Variants in DCTN3 observed in about 807,000 individuals in gnomAD.
DCTN3 encodes the protein dynactin 3 (p22).
In DCTN3, 25 loss-of-function variants were observed where a neutral mutation model predicts 28.4. The observed-to-expected ratio is 0.88, with a 90% CI of 0.64 to 1.23. The LOEUF is 1.23. DCTN3 is among the 50% of genes most tolerant of loss of function. The pLI, the probability that DCTN3 is intolerant of heterozygous loss-of-function variation, is 0.00. For missense variants in DCTN3, 229 were observed against 232.0 expected (o/e 0.99, Z 0.08); for synonymous variants, 81 against 91.4 (o/e 0.89, Z 0.65).
At chr9:34,620,051 C>G (rs911871197) in intron 1 of DCTN3, among the ~76,000 whole-genome samples, 2 of 152,186 alleles carry the variant, frequency 1.3e-5, no homozygotes, top group African/African-American at 4.8e-5. Context: ...GCCTTCCTAT[C>G]GTGGACTTCA....
intron 5 of DCTN3, chr9:34,614,321 A>G: frequency 2.0e-6 from 2 of 994,476 alleles, no homozygotes; most frequent in Non-Finnish European, 2.9e-6. Flanking sequence ...GTGGCCATAC[A>G]TTAAGTAAAC....
At position 34,618,692 on chromosome 9, in the gene DCTN3, C is replaced by A; in HGVS notation, c.165G>T (p.Lys55Asn). ...AGCACTTACTCTTTTTGTAGAGAATCTTCACCCTCTCCCTCTTGCTGGAAA... is the reference window on the plus strand; with the variant it reads ...AGCACTTACTCTTTTTGTAGAGAATATTCACCCTCTCCCTCTTGCTGGAAA... ...GNISSKRERV[K>N]ILYKKIEDLI... Residue 55 changes from lysine (K) to asparagine (N), a missense_variant, in exon 2 of 7, where the codon AAG (lysine) becomes AAT (asparagine). Physicochemically the swap from Lys to Asn is moderately conservative, Grantham distance 94 (BLOSUM62 0). Coordinates refer to ENST00000259632, the MANE Select transcript of DCTN3 (RefSeq NM_007234.5). The A allele has an allele frequency of 6.2e-7, 1 of 1,614,116 alleles. No individual in the cohort carries two copies. The highest frequency in any genetic ancestry group is 8.5e-7 in the Non-Finnish European group (1 of 1,179,948).
chr9:34,618,611 G>C, intron 2 of DCTN3, 65 bp downstream of exon 2: 1 of 1,282,252 alleles, frequency 7.8e-7, no homozygotes, highest in South Asian at 1.2e-5. Context: ...GAAGGGCTAG[G>C]GCCAGGTACC....
intron 3 of DCTN3, 63 bp downstream of exon 3, chr9:34,617,822 T>C (rs750781585): frequency 3.1e-6 from 5 of 1,603,100 alleles, no homozygotes; most frequent in Non-Finnish European, 3.4e-6. Flanking sequence ...AGGCCATCTC[T>C]GTGCTTAACC....
rs779368766 is a variant in DCTN3, at chr9:34,614,706, A to G, written c.411+4T>C. On this transcript the variant is annotated splice_donor_region_variant and intron_variant, in intron 5 of 6. Transcript: ENST00000259632. ...TTCGCTTCTAGTCATCTCCCCTCCC[A>G]TACCTGCTGCTGAATGTGGATCTGG... The G allele has an allele frequency of 2.5e-6, 4 of 1,614,062 alleles. No individual in the cohort carries two copies. The highest frequency in any genetic ancestry group is 3.4e-6 in the Non-Finnish European group (4 of 1,180,028).
Position 34,614,049 on chromosome 9 carries a change from T to C in DCTN3, c.464A>G (p.Asn155Ser), listed in dbSNP as rs528051881. The C allele has an allele frequency of 3.1e-5, 50 of 1,611,920 alleles. No homozygotes were observed. The East Asian group carries it at 1.0e-3, about 33-fold the overall frequency. ...EESKALLEEY[N>S]KTTMLLSKQF... is the part of the protein sequence containing the mutation. The stretch of plus-strand genomic sequence containing the variant: ...GTTGAGCAGAAAGGATACAGTCTTG[T>C]TGTATTCCTCCAGGAGAGCCTTGGA... Residue 155 changes from asparagine to serine, a missense_variant, in exon 6 of 7, where the codon AAC becomes AGC. Asn to Ser is a conservative substitution (Grantham distance 46). Transcript: ENST00000259632.
chr9:34,618,555 A>T (rs1820476019), intron 2 of DCTN3, 121 bp downstream of exon 2: 1 of 765,058 alleles, frequency 1.3e-6, no homozygotes, highest in Non-Finnish European at 2.3e-6. Context: ...AAATGTCCTC[A>T]TAATCTTTCT....
Position 34,613,625 on chromosome 9 carries a change from T to C in DCTN3, c.*157A>G. ...GGGTGGGTGTTGCAAATTGCAAACC[T>C]CAGGTAACCTGACCTCCAACTTTAG... On this transcript the variant is annotated 3_prime_UTR_variant, in exon 7 of 7. Transcript: ENST00000259632. The C allele has an allele frequency of 1.1e-6, 1 of 949,030 alleles. No homozygotes were observed. The highest frequency in any genetic ancestry group is 1.5e-6 in the Non-Finnish European group (1 of 672,544). The allele number at this position is 949,030 out of a possible 1,614,324, so 58.8% of individuals were successfully genotyped here.
At chr9:34,619,579 T>C (rs1820504380) in intron 1 of DCTN3, among the ~76,000 whole-genome samples, 1 of 152,074 alleles carries the variant, frequency 6.6e-6, no homozygotes. Flanking sequence ...GAAGCAGCCG[T>C]AAGAGGTAGA....
At chr9:34,618,837 T>C in intron 1 of DCTN3, 77 bp from the exon 2 acceptor site, 1 of 1,139,608 alleles carries the variant, frequency 8.8e-7, no homozygotes, top group Non-Finnish European at 1.3e-6. Flanking sequence ...ACCCTCATTC[T>C]CCCAGACTCT....
At position 34,618,751 on chromosome 9, in the gene DCTN3, C is replaced by T. The variant is rs775935933; in HGVS notation, c.106G>A (p.Gly36Ser). 4.0e-5 allele frequency: 65 copies of T among 1,613,932 alleles called. No homozygotes were observed. Among genetic ancestry groups the T allele is most frequent in the African/African-American group, 5.3e-5 (4 of 74,928 alleles). ...AAAGCCACCTGCACCTTGACCAGGC[C>T]GTCAGCCACCTGTAAGGGAAGTGGT... ...GARGSRKVAD[G>S]LVKVQVALGN... Residue 36 changes from glycine (G) to serine (S), a missense_variant, in exon 2 of 7, where the codon GGC (glycine) becomes AGC (serine). By Grantham distance (56) the Gly-to-Ser change is moderately conservative (BLOSUM62 0). Transcript: ENST00000259632.
At chr9:34,620,120 C>A (rs1820519119) in intron 1 of DCTN3, among the ~76,000 whole-genome samples, 1 of 152,174 alleles carries the variant, frequency 6.6e-6, no homozygotes, top group African/African-American at 2.4e-5. Flanking sequence ...AACTATAGCT[C>A]GCGAGGGCAA....
intron 1 of DCTN3, among the ~76,000 whole-genome samples, chr9:34,619,138 C>T (rs1191289684): frequency 6.6e-6 from 1 of 152,226 alleles, no homozygotes; most frequent in Non-Finnish European, 1.5e-5. Flanking sequence ...CCTATCCCCT[C>T]CACATCAAAT....
intron 4 of DCTN3, 104 bp downstream of exon 4, chr9:34,615,926 A>G (rs1277191663): frequency 3.4e-6 from 3 of 872,734 alleles, no homozygotes; most frequent in Non-Finnish European, 3.6e-6. Context: ...GATAAGGAAC[A>G]GACCCAACCC....
In DCTN3 at chr9:34,616,090, C is replaced by A. The variant is rs764610261; in HGVS notation, c.292G>T (p.Val98Phe). 7 of 1,613,904 alleles carry A rather than the reference C, an allele frequency of 4.3e-6. No homozygotes were observed. Among genetic ancestry groups the A allele is most frequent in the African/African-American group, 4.0e-5 (3 of 74,900 alleles). ...LAEEQFILSQ[V>F]ALLEQVNALV... Reference sequence around the variant, plus strand: ...GCATTCACCTGCTCCAGGAGTGCAACCTGGGAAAGGATAAACTGCTCCTCT... The same window carrying A: ...GCATTCACCTGCTCCAGGAGTGCAAACTGGGAAAGGATAAACTGCTCCTCT... Residue 98 changes from valine (V) to phenylalanine (F), a missense_variant, in exon 4 of 7, where the codon GTT becomes TTT. Transcript: ENST00000259632. The surrounding 1 kb of genome is among the most constrained non-coding windows in gnomAD (Gnocchi z 4.7).
rs1276214331 is a variant in DCTN3 at position 34,620,489 on chromosome 9, A to G, written c.-25T>C. ...TCGCTACTACCGACCCACCTCGGCCAGGAAACAGCCAGAGGGCGGGACGTC... is the reference window on the plus strand; with the variant it reads ...TCGCTACTACCGACCCACCTCGGCCGGGAAACAGCCAGAGGGCGGGACGTC... On this transcript the variant is annotated 5_prime_UTR_variant, in exon 1 of 7. Coordinates refer to ENST00000259632, the MANE Select transcript of DCTN3 (RefSeq NM_007234.5). 2.6e-6 allele frequency: 4 copies of G among 1,545,130 alleles called. No individual in the cohort carries two copies. The highest frequency in any genetic ancestry group is 1.4e-5 in the African/African-American group (1 of 73,010).
At position 34,617,921 on chromosome 9, in the gene DCTN3, T is replaced by G; in HGVS notation, c.232A>C (p.Ile78Leu). ...LDPEYIDRIA[I>L]PDASKLQFIL... is the part of the protein sequence containing the mutation. ...AATTGCAGCTTAGAGGCATCAGGTA[T>G]GGCAATGCGGTCGATGTACTCAGGA... Residue 78 changes from isoleucine to leucine, a missense_variant, in exon 3 of 7, where the codon ATA (isoleucine) becomes CTA (leucine). Physicochemically the swap from Ile to Leu is conservative, Grantham distance 5 (BLOSUM62 2). Coordinates refer to ENST00000259632, the MANE Select transcript of DCTN3 (RefSeq NM_007234.5). 6.2e-7 allele frequency: 1 copy of G among 1,613,992 alleles called. No homozygotes were observed. Among genetic ancestry groups the G allele is most frequent in the Middle Eastern group, 1.6e-4 (1 of 6,062 alleles).
rs747554692 is a variant in DCTN3, at chr9:34,618,663, T to C, written c.181+13A>G. 1.2e-6 allele frequency: 2 copies of C among 1,611,084 alleles called. No individual in the cohort carries two copies. The highest frequency in any genetic ancestry group is 1.7e-6 in the Non-Finnish European group (2 of 1,177,362). ...GGATGTCGGGCAGGCAGGCACATCA[T>C]GGAAGCACTTACTCTTTTTGTAGAG... On this transcript the variant is annotated intron_variant, in intron 2 of 6. Coordinates refer to ENST00000259632, the MANE Select transcript of DCTN3 (RefSeq NM_007234.5).
In DCTN3 at chr9:34,620,408, G is replaced by C. The variant is rs866504249; in HGVS notation, c.57C>G (p.Arg19=). Residue 19 remains arginine (R), a synonymous_variant, in exon 1 of 7, where the codon CGC becomes CGG. Transcript: ENST00000259632. ...GCGCCCCGCCCGGCCCGTACACCCAGCGCTCCAGCTCTTCCACTCGGGCCT... is the reference window on the plus strand; with the variant it reads ...GCGCCCCGCCCGGCCCGTACACCCACCGCTCCAGCTCTTCCACTCGGGCCT... ...RLQARVEELE[R]WVYGPGGARG... is the part of the protein sequence containing the mutation. 7 of 1,577,686 alleles carry C rather than the reference G, an allele frequency of 4.4e-6. No homozygotes were observed. The highest frequency in any genetic ancestry group is 6.0e-6 in the Non-Finnish European group (7 of 1,162,532).
Sources: allele counts gnomAD v4.1 joint callset (sites outside exome capture counted in the v4.1 genomes callset), GRCh38; gene constraint gnomAD v4.1.1; non-coding constraint Gnocchi (gnomAD v3.1); transcripts MANE v1.5; gene names NCBI Gene and HGNC (gene_info 2026-07-23, HGNC 2026-07-21).